Variants in ZNF850 observed in about 807,000 individuals in gnomAD.
The protein encoded by ZNF850 is zinc finger protein 850.
In ZNF850, 2 loss-of-function variants were observed where a neutral mutation model predicts 11.9. The ratio of observed to expected loss-of-function variants is 0.17; its 90% CI spans 0.07 to 0.53. The LOEUF (loss-of-function observed/expected upper bound fraction) is 0.53, where lower values mean the gene tolerates loss of function less well. Among genes scored for constraint, ZNF850 ranks in the 20% least tolerant of loss-of-function variants. The probability of loss-of-function intolerance (pLI) is 0.94; values close to 1 mark genes in which losing one functional copy is unlikely to be tolerated. For synonymous variants in ZNF850, 381 were observed against 443.0 expected (o/e 0.86, Z 1.76); for missense variants, 1,014 against 1,316.4 (o/e 0.77, Z 3.55).
At chr19:36,763,498 C>T (rs990240498) in intron 1 of ZNF850, among the ~76,000 whole-genome samples, 3 of 151,382 alleles carry the variant, frequency 2.0e-5, no homozygotes, top group Non-Finnish European at 2.9e-5. Context: ...GAGCCAAGAT[C>T]GCACCACTGC....
At chr19:36,771,337 A>AC (rs1568321671) in intron 1 of ZNF850, among the ~76,000 whole-genome samples, 1 of 152,168 alleles carries the variant, frequency 6.6e-6, no homozygotes, top group African/African-American at 2.4e-5. Context: ...TGGCCCTGGG[A>AC]CCTTAGCCCG....
rs12462325 is a variant in ZNF850 at position 36,765,043 on chromosome 19, C to G, written c.-69-2368G>C. On this transcript the variant is annotated intron_variant, in intron 1 of 4. Transcript: ENST00000591344. ...GGGTCATACTAGGAAAAAAACAAGTCAGAACCATTGGAGCCACGTGTACAG... is the reference window on the plus strand; with the variant it reads ...GGGTCATACTAGGAAAAAAACAAGTGAGAACCATTGGAGCCACGTGTACAG... Among the ~76,000 whole-genome samples, 784 of 152,252 alleles carry G rather than the reference C, an allele frequency of 5.1e-3. 20 individuals are homozygous for G. Among genetic ancestry groups the G allele is most frequent in the Admixed American group, 0.037 (559 of 15,284 alleles).
chr19:36,754,993 T>G (rs1000714659), intron 4 of ZNF850, among the ~76,000 whole-genome samples: 1 of 152,086 alleles, frequency 6.6e-6, no homozygotes, highest in African/African-American at 2.4e-5. Flanking sequence ...CACGCAGCAA[T>G]TAAAAGAAAG....
intron 3 of ZNF850, among the ~76,000 whole-genome samples, chr19:36,762,053 A>AG (rs1272993403): frequency 6.6e-6 from 1 of 151,512 alleles, no homozygotes; most frequent in East Asian, 1.9e-4. Context: ...CTCAAAAAAA[A>AG]AAAAAAAAAG....
At chr19:36,750,862 C>T (rs1339948599) in intron 4 of ZNF850, 58 bp from the exon 5 acceptor site, 1 of 1,426,408 alleles carries the variant, frequency 7.0e-7, no homozygotes, top group Non-Finnish European at 9.2e-7. Flanking sequence ...GAAATAAAAA[C>T]ATCTATGGTA....
chr19:36,757,503 CTTTTTTT>C (rs57226971), intron 4 of ZNF850, among the ~76,000 whole-genome samples: 2 of 97,398 alleles, frequency 2.1e-5, no homozygotes, highest in Admixed American at 1.1e-4. Context: ...AATATAGTTT[CTTTTTTT>C]TTTTTTTTTT....
chr19:36,761,622 A>C (rs1600613446), intron 4 of ZNF850, 21 bp downstream of exon 4: 2 of 1,436,444 alleles, frequency 1.4e-6, no homozygotes, highest in Non-Finnish European at 1.9e-6. Context: ...TGTCTTCCCC[A>C]TGTGCTCAGT....
In ZNF850 at chr19:36,772,001, C is replaced by G. The variant is rs574353508; in HGVS notation, c.-70+724G>C. 2.6e-5 allele frequency among the ~76,000 whole-genome samples: 4 copies of G among 152,282 alleles called. No individual in the cohort carries two copies. In the East Asian group the frequency reaches 7.7e-4, roughly 29 times the overall value. ...GGTCCCCGCCATAGAGCCGCCAACT[C>G]TCTCTCTTTCTTTAACCCTCGCCTT... On this transcript the variant is annotated intron_variant, in intron 1 of 4. Coordinates refer to ENST00000591344, the MANE Select transcript of ZNF850 (RefSeq NM_001193552.2).
chr19:36,750,978 A>C (rs1302882606), intron 4 of ZNF850, among the ~76,000 whole-genome samples, 174 bp from the exon 5 acceptor site: 1 of 145,856 alleles, frequency 6.9e-6, no homozygotes, highest in Non-Finnish European at 1.5e-5. Flanking sequence ...AGACAGGAGG[A>C]TTGCTTGAGC....
At chr19:36,757,262 G>A (rs941966746) in intron 4 of ZNF850, among the ~76,000 whole-genome samples, 3 of 152,008 alleles carry the variant, frequency 2.0e-5, no homozygotes, top group African/African-American at 4.8e-5. Flanking sequence ...TAGATCCGTC[G>A]TGATTATGTT....
rs1195378252 is a variant in ZNF850, at chr19:36,767,970, T to TA, written c.-70+4754dup. On this transcript the variant is annotated intron_variant, in intron 1 of 4. Coordinates refer to ENST00000591344, the MANE Select transcript of ZNF850 (RefSeq NM_001193552.2). ...ACTGAGACACTTCTGCTATCAAGAC[T>TA]ATAATAGTGGCTGAGCACAGTGGCT... 2.6e-5 allele frequency among the ~76,000 whole-genome samples: 4 copies of TA among 152,266 alleles called. No homozygotes were observed. In the East Asian group the frequency reaches 7.8e-4, roughly 30 times the overall value.
At chr19:36,750,901 C>T (rs1480091428) in intron 4 of ZNF850, 97 bp from the exon 5 acceptor site, 29 of 1,283,858 alleles carry the variant, frequency 2.3e-5, no homozygotes, top group Non-Finnish European at 2.9e-5. Context: ...AAAATAATGT[C>T]CTTAAGAATT....
intron 1 of ZNF850, 51 bp from the exon 2 acceptor site, chr19:36,762,726 A>G (rs999164760): frequency 2.3e-4 from 252 of 1,079,996 alleles, no homozygotes; most frequent in Non-Finnish European, 3.3e-4. Context: ...TAAATGAACT[A>G]GAGTACAAAA....
rs1033953377 is a variant in ZNF850 at position 36,743,833 on chromosome 19, G to A, written c.*3934C>T. 3 of 152,178 alleles carry A rather than the reference G, an allele frequency of 2.0e-5. No individual in the cohort carries two copies. The highest frequency in any genetic ancestry group is 1.3e-4 in the Admixed American group (2 of 15,268). The allele number at this position is 152,178 out of a possible 1,614,324, so 9.4% of individuals were successfully genotyped here. On this transcript the variant is annotated 3_prime_UTR_variant, in exon 5 of 5. Coordinates refer to ENST00000591344, the MANE Select transcript of ZNF850 (RefSeq NM_001193552.2). Reference sequence around the variant, plus strand: ...TCAATGTCGTAAAGATGTCAATAATGATTCTTTTCTTTCTAATACTATGGC... The same window carrying A: ...TCAATGTCGTAAAGATGTCAATAATAATTCTTTTCTTTCTAATACTATGGC...
chr19:36,750,579 T>G lies in ZNF850; in HGVS notation c.461A>C (p.Gln154Pro), dbSNP rs764307235. ...TYETTPTFCL[Q>P]TSLTLHHRIH... The stretch of plus-strand genomic sequence containing the variant: ...CCGATGATGCAGAGTGAGAGATGTC[T>G]GTAGGCAGAAAGTTGGTGTTGTTTC... Residue 154 changes from glutamine (Q) to proline (P), a missense_variant, in exon 5 of 5, where the codon CAG becomes CCG. This residue lies in a region of ZNF850 where 835 missense variants were observed against 1,022.0 expected (regional missense o/e 0.82). Coordinates refer to ENST00000591344, the MANE Select transcript of ZNF850 (RefSeq NM_001193552.2). 6.5e-7 allele frequency: 1 copy of G among 1,536,204 alleles called. No individual in the cohort carries two copies. Among genetic ancestry groups the G allele is most frequent in the South Asian group, 1.2e-5 (1 of 84,064 alleles).
intron 4 of ZNF850, among the ~76,000 whole-genome samples, chr19:36,755,063 G>GT (rs1254157779): frequency 6.6e-6 from 1 of 152,148 alleles, no homozygotes; most frequent in Non-Finnish European, 1.5e-5. Context: ...AGTGCGTGAA[G>GT]TAAGTCTGAA....
Position 36,746,680 on chromosome 19 carries a change from T to C in ZNF850, c.*1087A>G, listed in dbSNP as rs1034695463. On this transcript the variant is annotated 3_prime_UTR_variant, in exon 5 of 5. Transcript: ENST00000591344. Reference sequence around the variant, plus strand: ...TTTCTAATATAAATTGCCCACTGGATCCAAAGGAGAAGGTGCGCACAGACT... The same window carrying C: ...TTTCTAATATAAATTGCCCACTGGACCCAAAGGAGAAGGTGCGCACAGACT... 4.6e-5 allele frequency: 7 copies of C among 152,034 alleles called. No individual in the cohort carries two copies. Among genetic ancestry groups the C allele is most frequent in the African/African-American group, 1.7e-4 (7 of 41,410 alleles). 9.4% of individuals were successfully genotyped at this position (152,034 alleles called of 1,614,324 possible).
intron 1 of ZNF850, among the ~76,000 whole-genome samples, chr19:36,769,740 A>G (rs2040570507): frequency 6.6e-6 from 1 of 152,176 alleles, no homozygotes; most frequent in Admixed American, 6.5e-5. Context: ...CAACAATCAA[A>G]CCAGAAGACT....
In ZNF850 at chr19:36,748,102, G is replaced by A; in HGVS notation, c.2938C>T (p.Pro980Ser). The stretch of plus-strand genomic sequence containing the variant: ...TTCCCACATTCTTTACATTCATAAG[G>A]TCTGTCACCGGTATGAATTCTCTGA... Reference protein sequence around the residue: ...LHQRIHTGDRPYECKECGKSF... With the variant: ...LHQRIHTGDRSYECKECGKSF... Residue 980 changes from proline (P) to serine (S), a missense_variant, in exon 5 of 5, where the codon CCT (proline) becomes TCT (serine). By Grantham distance (74) the Pro-to-Ser change is moderately conservative (BLOSUM62 -1). Coordinates refer to ENST00000591344, the MANE Select transcript of ZNF850 (RefSeq NM_001193552.2). 1 of 1,550,958 alleles carries A rather than the reference G, an allele frequency of 6.4e-7. No homozygotes were observed. The highest frequency in any genetic ancestry group is 8.7e-7 in the Non-Finnish European group (1 of 1,151,520).
Sources: allele counts gnomAD v4.1 joint callset (sites outside exome capture counted in the v4.1 genomes callset), GRCh38; gene constraint gnomAD v4.1.1; regional missense constraint gnomAD v4.1.1; transcripts MANE v1.5; gene names NCBI Gene and HGNC (gene_info 2026-07-23, HGNC 2026-07-21).